The following DLX6 variants were observed in gnomAD, a reference collection of about 807,000 sequenced individuals.
DLX6 encodes distal-less homeobox 6.
In DLX6, 4 loss-of-function variants were observed where a neutral mutation model predicts 33.5. The observed-to-expected ratio is 0.12, with a 90% CI of 0.06 to 0.27. The LOEUF is 0.27. DLX6 is among the 10% of genes least tolerant of loss of function. DLX6 has a pLI of 1.00. For missense variants in DLX6, 382 were observed against 393.3 expected, an observed-to-expected ratio of 0.97 and a Z score of 0.24; for synonymous variants, 184 against 164.8, an observed-to-expected ratio of 1.12 and a Z score of -0.89.
chr7:97,008,484 A>G (rs985252664), intron 2 of DLX6, among the ~76,000 whole-genome samples: 3 of 152,230 alleles, frequency 2.0e-5, no homozygotes, highest in Non-Finnish European at 4.4e-5. Flanking sequence ...TTGGAGATCA[A>G]AGAGAAATGT....
rs1179192019 is a variant in DLX6, at chr7:97,005,952, G to C, written c.-26G>C. On this transcript the variant is annotated 5_prime_UTR_variant, in exon 1 of 3. Transcript: ENST00000518156. The stretch of plus-strand genomic sequence containing the variant: ...GAGGGTGGAGGAAACCCGGGAGAAG[G>C]CTTTCTCCAGCCCCCAAAGTTTTTG... 6.5e-7 allele frequency: 1 copy of C among 1,534,334 alleles called. No individual in the cohort carries two copies.
intron 1 of DLX6, chr7:97,006,882 G>C (rs1054163035): frequency 2.6e-5 from 4 of 152,468 alleles, no homozygotes; most frequent in Admixed American, 2.6e-4. Context: ...CAGTGACTCG[G>C]AGGGAAGCTG....
At position 97,006,087 on chromosome 7, in the gene DLX6, AGCAGCAG is replaced by A. The variant is rs1789713703; in HGVS notation, c.111_117del (p.Gln37HisfsTer81). The A allele has an allele frequency of 1.3e-6, 2 of 1,560,084 alleles. No individual in the cohort carries two copies. Among genetic ancestry groups the A allele is most frequent in the Non-Finnish European group, 1.7e-6 (2 of 1,153,504 alleles). ...CAGCAGCAGCAGCAACAGCAGCAGC[AGCAGCAG>A]CAGCAACAGCAACAGCCGCCGCCGC... On this transcript the variant is annotated frameshift_variant, in exon 1 of 3. Coordinates refer to ENST00000518156, the MANE Select transcript of DLX6 (RefSeq NM_005222.4). LOFTEE classifies it high-confidence loss of function.
At position 97,005,677 on chromosome 7, in the gene DLX6, G is replaced by T; in HGVS notation, c.-301G>T. The T allele has an allele frequency of 5.4e-6, 1 of 183,806 alleles. No individual in the cohort carries two copies. The highest frequency in any genetic ancestry group is 1.2e-4 in the East Asian group (1 of 8,458). The allele number at this position is 183,806 out of a possible 1,614,324, so 11.4% of individuals were successfully genotyped here. ...AATCCAAGGGGGGAAAGCAGGCGGG[G>T]GGAGAGCAGATTCCCCCCTCCCCCT... On this transcript the variant is annotated 5_prime_UTR_variant, in exon 1 of 3. Transcript: ENST00000518156.
chr7:97,006,167 A>G lies in DLX6; in HGVS notation c.190A>G (p.Met64Val), dbSNP rs773817873. 12 of 1,523,014 alleles carry G rather than the reference A, an allele frequency of 7.9e-6. 1 individual carries two copies. The highest frequency in any genetic ancestry group is 7.2e-5 in the South Asian group (6 of 83,252). The allele number at this position is 1,523,014 out of a possible 1,614,324, so 94.3% of individuals were successfully genotyped here. A position where few individuals can be genotyped will look rare whatever the true frequency, so the allele number is the denominator to read the frequency against. ...GCACTCGCAGCAGAGCTCCCCGGCC[A>G]TGGCAGGCGCGCACTACCCTCTGCA... ...QPHSQQSSPAMAGAHYPLHCL... is the reference protein window; with the variant it reads ...QPHSQQSSPAVAGAHYPLHCL... Residue 64 changes from methionine (M) to valine (V), a missense_variant, in exon 1 of 3, where the codon ATG becomes GTG. Met to Val is a conservative substitution (Grantham distance 21, BLOSUM62 1). Coordinates refer to ENST00000518156, the MANE Select transcript of DLX6 (RefSeq NM_005222.4).
rs1289713283 is a variant in DLX6, at chr7:97,007,642, A to G, written c.441A>G (p.Gln147=). Residue 147 remains glutamine, a synonymous_variant, in exon 2 of 3, where the codon CAA becomes CAG. Coordinates refer to ENST00000518156, the MANE Select transcript of DLX6 (RefSeq NM_005222.4). ...AAQTRGDDTD[Q]QKTTVIENGE... ...CTCTGTATTATTTGCTTACAGATCA[A>G]CAAAAAACTACAGTGATTGAAAACG... The G allele has an allele frequency of 6.2e-7, 1 of 1,608,818 alleles. No individual in the cohort carries two copies. Among genetic ancestry groups the G allele is most frequent in the Admixed American group, 1.7e-5 (1 of 59,340 alleles).
In DLX6 at chr7:97,007,573, C is replaced by G. The variant is rs773172201; in HGVS notation, c.437-65C>G. 6.7e-5 allele frequency: 99 copies of G among 1,467,222 alleles called. 1 individual carries two copies. Among genetic ancestry groups the G allele is most frequent in the Non-Finnish European group, 4.7e-5 (50 of 1,067,540 alleles). The allele number at this position is 1,467,222 out of a possible 1,614,324, so 90.9% of individuals were successfully genotyped here. On this transcript the variant is annotated intron_variant, in intron 1 of 2. Coordinates refer to ENST00000518156, the MANE Select transcript of DLX6 (RefSeq NM_005222.4). ...TGGGGAGACTCGTTGCATGCCACGCCAGGAGCAGGGAGATGGCAGCAGTAG... is the reference window on the plus strand; with the variant it reads ...TGGGGAGACTCGTTGCATGCCACGCGAGGAGCAGGGAGATGGCAGCAGTAG...
chr7:97,006,529 C>A, intron 1 of DLX6, 116 bp downstream of exon 1: 2 of 1,135,156 alleles, frequency 1.8e-6, no homozygotes, highest in Non-Finnish European at 2.2e-6. Context: ...CAGGCGGCCC[C>A]GCGCGCCCTT....
Position 97,006,425 on chromosome 7 carries a change from C to G in DLX6, c.436+12C>G, listed in dbSNP as rs1789733352. The G allele has an allele frequency of 7.6e-7, 1 of 1,314,880 alleles. No individual in the cohort carries two copies. The highest frequency in any genetic ancestry group is 1.5e-5 in the African/African-American group (1 of 66,240). The allele number at this position is 1,314,880 out of a possible 1,614,324, so 81.5% of individuals were successfully genotyped here. The stretch of plus-strand genomic sequence containing the variant: ...AGGGGACGACACAGGTGAGAGGCCG[C>G]TGGGGCAGCTCGCTTCTCCCGCCTC... On this transcript the variant is annotated intron_variant, in intron 1 of 2. Coordinates refer to ENST00000518156, the MANE Select transcript of DLX6 (RefSeq NM_005222.4).
At chr7:97,009,288 T>C (rs1012873521) in intron 2 of DLX6, among the ~76,000 whole-genome samples, 1 of 152,246 alleles carries the variant, frequency 6.6e-6, no homozygotes, top group Admixed American at 6.5e-5. Flanking sequence ...AGTCATTTGC[T>C]CCTTGTACCT....
At chr7:97,009,149 C>T (rs1789794859) in intron 2 of DLX6, among the ~76,000 whole-genome samples, 1 of 152,208 alleles carries the variant, frequency 6.6e-6, no homozygotes, top group African/African-American at 2.4e-5. Context: ...AGTCCTTAAT[C>T]CCTGCAAGGT....
rs755131866 is a variant in DLX6 at position 97,006,153 on chromosome 7, A to G, written c.176A>G (p.Gln59Arg). ...CCGCCGCCGCAGCCGCACTCGCAGC[A>G]GAGCTCCCCGGCCATGGCAGGCGCG... ...PPPPPQPHSQ[Q>R]SSPAMAGAHY... The change falls in exon 1 of 3, where the codon CAG becomes CGG. Residue 59 changes from glutamine (Q) to arginine (R), a missense_variant. Gln to Arg is a conservative substitution (Grantham distance 43, BLOSUM62 1). This residue lies in a region of DLX6 where 257 missense variants were observed against 206.9 expected (regional missense o/e 1.24). Coordinates refer to ENST00000518156, the MANE Select transcript of DLX6 (RefSeq NM_005222.4). 14 of 1,542,530 alleles carry G rather than the reference A, an allele frequency of 9.1e-6. No individual in the cohort carries two copies. The highest frequency in any genetic ancestry group is 2.4e-5 in the South Asian group (2 of 83,748).
intron 1 of DLX6, 53 bp downstream of exon 1, chr7:97,006,466 C>T: frequency 8.0e-7 from 1 of 1,250,062 alleles, no homozygotes; most frequent in Non-Finnish European, 1.0e-6. Context: ...TGCCCCCTAC[C>T]CCGCCCGCCC....
At position 97,010,137 on chromosome 7, in the gene DLX6, C is replaced by T; in HGVS notation, c.*90C>T. Reference sequence around the variant, plus strand: ...TATCTGCGAAAAGGAGCCAAAGGAGCAGGCTTAGGAGAGCTCATAAGTGTG... The same window carrying T: ...TATCTGCGAAAAGGAGCCAAAGGAGTAGGCTTAGGAGAGCTCATAAGTGTG... On this transcript the variant is annotated 3_prime_UTR_variant, in exon 3 of 3. Transcript: ENST00000518156. 1 of 1,484,542 alleles carries T rather than the reference C, an allele frequency of 6.7e-7. No homozygotes were observed. The highest frequency in any genetic ancestry group is 1.3e-5 in the South Asian group (1 of 75,534). The allele number at this position is 1,484,542 out of a possible 1,614,324, so 92.0% of individuals were successfully genotyped here.
intron 2 of DLX6, among the ~76,000 whole-genome samples, chr7:97,008,891 G>C (rs577757544): frequency 7.2e-5 from 11 of 152,182 alleles, no homozygotes; most frequent in African/African-American, 2.7e-4. Context: ...TGACTTGTAT[G>C]CGTCTTGAAA....
rs753838572 is a variant in DLX6, at chr7:97,005,843, CTTTTTTTTTTT to C, written c.-121_-111del. The stretch of plus-strand genomic sequence containing the variant: ...CCACCTCCACCCCCCTCTTTAAATT[CTTTTTTTTTTT>C]TTTTTTTTTTTTTGCAAGGATCCAA... On this transcript the variant is annotated 5_prime_UTR_variant, in exon 1 of 3. Transcript: ENST00000518156. The C allele has an allele frequency of 4.9e-3, 1,107 of 226,390 alleles. No individual in the cohort carries two copies. Among genetic ancestry groups the C allele is most frequent in the East Asian group, 0.034 (414 of 12,304 alleles). 14.0% of individuals were successfully genotyped at this position (226,390 alleles called of 1,614,324 possible). A position where few individuals can be genotyped will look rare whatever the true frequency, so the allele number is the denominator to read the frequency against.
chr7:97,006,160 C>T lies in DLX6; in HGVS notation c.183C>T (p.Ser61=), dbSNP rs532765915. Residue 61 remains serine, a synonymous_variant, in exon 1 of 3, where the codon TCC becomes TCT. Coordinates refer to ENST00000518156, the MANE Select transcript of DLX6 (RefSeq NM_005222.4). Reference sequence around the variant, plus strand: ...CGCAGCCGCACTCGCAGCAGAGCTCCCCGGCCATGGCAGGCGCGCACTACC... The same window carrying T: ...CGCAGCCGCACTCGCAGCAGAGCTCTCCGGCCATGGCAGGCGCGCACTACC... ...PPPQPHSQQS[S]PAMAGAHYPL... 2 of 1,543,436 alleles carry T rather than the reference C, an allele frequency of 1.3e-6. No homozygotes were observed. The highest frequency in any genetic ancestry group is 1.2e-5 in the South Asian group (1 of 83,790).
intron 1 of DLX6, chr7:97,006,936 T>G (rs1158593425): frequency 2.0e-5 from 3 of 153,180 alleles, no homozygotes; most frequent in Non-Finnish European, 4.4e-5. Flanking sequence ...TCAGGCTCTT[T>G]CCAGTGGGCT....
intron 1 of DLX6, chr7:97,007,244 C>T (rs1348776144): frequency 2.0e-6 from 1 of 498,994 alleles, no homozygotes; most frequent in Non-Finnish European, 3.6e-6. Context: ...GCCGCGTAAA[C>T]ACCTGGGTGG....
Sources: allele counts gnomAD v4.1 joint callset (sites outside exome capture counted in the v4.1 genomes callset), GRCh38; gene constraint gnomAD v4.1.1; regional missense constraint gnomAD v4.1.1; transcripts MANE v1.5; gene names NCBI Gene and HGNC (gene_info 2026-07-23, HGNC 2026-07-21).